PTPRT: variants seen among roughly 807,000 people sequenced by gnomAD.
The protein encoded by PTPRT is protein tyrosine phosphatase receptor type T.
Under a neutral mutation model 176.8 loss-of-function variants are expected in PTPRT, and 56 were observed. The observed-to-expected ratio is 0.32, with a 90% CI of 0.26 to 0.40. The LOEUF (loss-of-function observed/expected upper bound fraction) is 0.40, where lower values mean the gene tolerates loss of function less well. Among genes scored for constraint, PTPRT ranks in the 10% least tolerant of loss-of-function variants. The pLI is 1.00. For missense variants in PTPRT, 1,540 were observed against 1,908.2 expected (o/e 0.81, Z 3.60); for synonymous variants, 783 against 739.0 (o/e 1.06, Z -0.96).
At chr20:42,093,710 C>T (rs1984882423) in intron 27 of PTPRT, among the ~76,000 whole-genome samples, 1 of 152,222 alleles carries the variant, frequency 6.6e-6, no homozygotes, top group Admixed American at 6.5e-5. Context: ...CTAAGGCAGA[C>T]CTGTCCATGT....
intron 12 of PTPRT, among the ~76,000 whole-genome samples, chr20:42,294,255 T>C (rs2057356695): frequency 6.6e-6 from 1 of 152,070 alleles, no homozygotes; most frequent in East Asian, 1.9e-4. Flanking sequence ...AAACAATTCC[T>C]GGTAGATCAA....
chr20:42,779,459 C>T (rs1162727752), intron 4 of PTPRT, among the ~76,000 whole-genome samples: 1 of 152,170 alleles, frequency 6.6e-6, no homozygotes, highest in Admixed American at 6.5e-5. Context: ...CCAGGTATCC[C>T]TCCCAGGGTC....
intron 9 of PTPRT, 117 bp from the exon 10 acceptor site, chr20:42,352,402 C>T (rs1213433619): frequency 2.1e-6 from 2 of 960,966 alleles, no homozygotes; most frequent in Non-Finnish European, 1.6e-6. Context: ...GTGAACTTGG[C>T]CAGCAGATTC....
At chr20:42,923,379 C>T (rs920904673) in intron 1 of PTPRT, among the ~76,000 whole-genome samples, 6 of 152,122 alleles carry the variant, frequency 3.9e-5, no homozygotes, top group Admixed American at 6.5e-5. Flanking sequence ...GCTCATGGTC[C>T]GTGAATTTGC....
intron 1 of PTPRT, among the ~76,000 whole-genome samples, chr20:43,001,084 A>C (rs1189157989): frequency 2.0e-5 from 3 of 152,292 alleles, no homozygotes; most frequent in African/African-American, 7.2e-5. Flanking sequence ...TATTCATATA[A>C]AGGGTGAAAA....
At chr20:42,211,823 T>A (rs1195804607) in intron 15 of PTPRT, among the ~76,000 whole-genome samples, 1 of 151,544 alleles carries the variant, frequency 6.6e-6, no homozygotes, top group East Asian at 1.9e-4. Context: ...CTATAAATCA[T>A]GCTGCTATAA....
chr20:42,431,587 T>C (rs2059216092), intron 9 of PTPRT, among the ~76,000 whole-genome samples: 2 of 152,208 alleles, frequency 1.3e-5, no homozygotes, highest in African/African-American at 2.4e-5. Flanking sequence ...ATTAGCACTG[T>C]GGTAGAAGAG....
intron 1 of PTPRT, among the ~76,000 whole-genome samples, chr20:42,940,451 C>A (rs188726840): frequency 6.6e-6 from 1 of 152,070 alleles, no homozygotes; most frequent in Non-Finnish European, 1.5e-5. Flanking sequence ...GCTAGAATGA[C>A]CAGAAAAGCA....
rs1568812416 is a variant in PTPRT at position 42,363,285 on chromosome 20, TA to T, written c.1561-11001del. Among the ~76,000 whole-genome samples the T allele has an allele frequency of 8.5e-3, 140 of 16,512 alleles. 2 individuals are homozygous for T. Among genetic ancestry groups the T allele is most frequent in the East Asian group, 0.073 (80 of 1,102 alleles). 10.8% of individuals were successfully genotyped at this position (16,512 alleles called of 152,430 possible). ...TTTATTACAATTATATATATATATATATATATATATATATATTTTTTTTTTT... is the reference window on the plus strand; with the variant it reads ...TTTATTACAATTATATATATATATATTATATATATATATATTTTTTTTTTT... On this transcript the variant is annotated intron_variant, in intron 9 of 30. Transcript: ENST00000373187.
chr20:42,354,611 A>T (rs1337862197), intron 9 of PTPRT, among the ~76,000 whole-genome samples: 1 of 152,192 alleles, frequency 6.6e-6, no homozygotes, highest in Non-Finnish European at 1.5e-5. Flanking sequence ...AGAGGTGCCC[A>T]ACTGAATTCA....
At chr20:43,001,759 G>A (rs570489254) in intron 1 of PTPRT, among the ~76,000 whole-genome samples, 2 of 152,060 alleles carry the variant, frequency 1.3e-5, no homozygotes, top group Non-Finnish European at 2.9e-5. Context: ...GTTTTACCAA[G>A]AAAGATCACT....
intron 13 of PTPRT, among the ~76,000 whole-genome samples, chr20:42,265,272 G>A (rs1210196389): frequency 6.6e-6 from 1 of 152,108 alleles, no homozygotes; most frequent in Non-Finnish European, 1.5e-5. Flanking sequence ...TGGAGAGTAT[G>A]ATTACAGACT....
At chr20:42,958,044 C>T (rs1981742096) in intron 1 of PTPRT, among the ~76,000 whole-genome samples, 1 of 151,004 alleles carries the variant, frequency 6.6e-6, no homozygotes, top group African/African-American at 2.4e-5. Flanking sequence ...AAAAAGAGTT[C>T]AGCAGAGAGA....
At chr20:42,362,183 C>T (rs533822993) in intron 9 of PTPRT, among the ~76,000 whole-genome samples, 5 of 152,202 alleles carry the variant, frequency 3.3e-5, no homozygotes, top group East Asian at 3.9e-4. Context: ...GGGAGGATTG[C>T]GTGAGCCAGG....
At chr20:42,101,582 A>T (rs1164622195) in intron 26 of PTPRT, among the ~76,000 whole-genome samples, 1 of 152,206 alleles carries the variant, frequency 6.6e-6, no homozygotes, top group Admixed American at 6.5e-5. Flanking sequence ...AGCCAGGAAC[A>T]CAGCCCGCTT....
At chr20:42,465,710 G>T (rs1045106157) in intron 8 of PTPRT, among the ~76,000 whole-genome samples, 2 of 152,150 alleles carry the variant, frequency 1.3e-5, no homozygotes, top group African/African-American at 4.8e-5. Flanking sequence ...AAAAGAGACA[G>T]GAATGGCGGT....
At chr20:42,932,539 T>C (rs1278946932) in intron 1 of PTPRT, among the ~76,000 whole-genome samples, 1 of 152,134 alleles carries the variant, frequency 6.6e-6, no homozygotes, top group Non-Finnish European at 1.5e-5. Context: ...GAGCCTTGTG[T>C]CTCCCACCCT....
chr20:43,019,206 T>G (rs1985527237), intron 1 of PTPRT, among the ~76,000 whole-genome samples: 1 of 152,210 alleles, frequency 6.6e-6, no homozygotes, highest in African/African-American at 2.4e-5. Flanking sequence ...TCAACTTGAC[T>G]GGATTAAGGG....
intron 1 of PTPRT, among the ~76,000 whole-genome samples, chr20:43,095,717 CT>C: frequency 6.9e-6 from 1 of 145,532 alleles, no homozygotes; most frequent in African/African-American, 2.6e-5. Context: ...GTCTCTGTTT[CT>C]TCCTCTCTCT....
Sources: gnomAD v4.1 joint callset for allele counts (sites outside exome capture counted in the v4.1 genomes callset) on GRCh38, gnomAD v4.1.1 for gene constraint, MANE v1.5 for transcripts, NCBI Gene and HGNC (gene_info 2026-07-23, HGNC 2026-07-21) for gene names.